RSU1: variants seen among roughly 807,000 people sequenced by gnomAD.
RSU1 encodes Ras suppressor protein 1, also known as rsu-1.
In RSU1, 26 loss-of-function variants were observed where a neutral mutation model predicts 31.1. The ratio of observed to expected loss-of-function variants is 0.84; its 90% confidence interval spans 0.61 to 1.16. RSU1 has a LOEUF of 1.16. Ranked by LOEUF, RSU1 falls within the 50% of genes most tolerant of loss-of-function variation. RSU1 has a pLI of 0.00. For missense variants in RSU1, 320 were observed against 339.1 expected (o/e 0.94, Z 0.44); for synonymous variants, 164 against 136.3 (o/e 1.20, Z -1.41).
At chr10:16,609,497 G>T (rs1378327701) in intron 8 of RSU1, among the ~76,000 whole-genome samples, 1 of 152,218 alleles carries the variant, frequency 6.6e-6, no homozygotes, top group East Asian at 1.9e-4. Context: ...AAATACAGCT[G>T]GTGAAAGCGA....
intron 8 of RSU1, among the ~76,000 whole-genome samples, chr10:16,595,554 G>A (rs2131451283): frequency 6.6e-6 from 1 of 152,298 alleles, no homozygotes; most frequent in Non-Finnish European, 1.5e-5. Context: ...GTTTCCATAT[G>A]TCCTAGACAG....
intron 2 of RSU1, among the ~76,000 whole-genome samples, chr10:16,785,571 G>C (rs970359856): frequency 6.7e-6 from 1 of 150,002 alleles, no homozygotes; most frequent in African/African-American, 2.5e-5. Flanking sequence ...AGGAGGGATG[G>C]TGCTAACCCA....
Position 16,693,960 on chromosome 10 carries a change from G to C in RSU1, c.731+1063C>G, listed in dbSNP as rs577961077. ...GAGTAGGGATGTTTTTGTCTTTTTT[G>C]TATATGCTTAAAATTATACTAGATC... On this transcript the variant is annotated intron_variant, in intron 8 of 8. Coordinates refer to ENST00000345264, the MANE Select transcript of RSU1 (RefSeq NM_012425.4). 4.1e-4 allele frequency among the ~76,000 whole-genome samples: 63 copies of C among 152,180 alleles called. No individual in the cohort carries two copies. The Middle Eastern group carries it at 0.01, about 25-fold the overall frequency.
intron 2 of RSU1, among the ~76,000 whole-genome samples, chr10:16,812,858 T>C (rs1357366206): frequency 6.6e-6 from 1 of 152,176 alleles, no homozygotes; most frequent in African/African-American, 2.4e-5. Context: ...GGAAGCTGAT[T>C]ACAGGGCCCT....
intron 7 of RSU1, among the ~76,000 whole-genome samples, chr10:16,752,288 C>T (rs1232300416): frequency 6.6e-6 from 1 of 152,150 alleles, no homozygotes; most frequent in African/African-American, 2.4e-5. Flanking sequence ...ACGCAGGGAG[C>T]TGAGCGGGGT....
rs1834535376 is a variant in RSU1 at position 16,645,892 on chromosome 10, ATGTATATACACATATATGTATATATATG to A, written c.731+49103_731+49130del. Among the ~76,000 whole-genome samples, 20 of 69,492 alleles carry A rather than the reference ATGTATATACACATATATGTATATATATG, an allele frequency of 2.9e-4. 4 individuals carry two copies. Among genetic ancestry groups the A allele is most frequent in the Admixed American group, 1.7e-3 (10 of 5,768 alleles). 45.6% of individuals were successfully genotyped at this position (69,492 alleles called of 152,430 possible). On this transcript the variant is annotated intron_variant, in intron 8 of 8. Coordinates refer to ENST00000345264, the MANE Select transcript of RSU1 (RefSeq NM_012425.4). ...TATACATATATGTGTATATACATATATGTATATACACATATATGTATATATATGTGTATATACACATATGTGTATATAT... is the reference window on the plus strand; with the variant it reads ...TATACATATATGTGTATATACATATATGTATATACACATATGTGTATATAT...
Position 16,787,269 on chromosome 10 carries a change from G to C in RSU1, c.110-5185C>G, listed in dbSNP as rs116569669. On this transcript the variant is annotated intron_variant, in intron 2 of 8. Coordinates refer to ENST00000345264, the MANE Select transcript of RSU1 (RefSeq NM_012425.4). Reference sequence around the variant, plus strand: ...GTGAGCAGGTGCTGTGGAATCTTGCGAGCCCTTTCAATTATCCAACACGTG... The same window carrying C: ...GTGAGCAGGTGCTGTGGAATCTTGCCAGCCCTTTCAATTATCCAACACGTG... 5.6e-3 allele frequency among the ~76,000 whole-genome samples: 845 copies of C among 152,094 alleles called. 9 individuals are homozygous for C. The highest frequency in any genetic ancestry group is 0.02 in the African/African-American group (809 of 41,466).
At chr10:16,681,803 T>C (rs904371964) in intron 8 of RSU1, among the ~76,000 whole-genome samples, 11 of 152,330 alleles carry the variant, frequency 7.2e-5, no homozygotes, top group Non-Finnish European at 1.3e-4. Context: ...ATATGTGCTG[T>C]ATGTTTTTTA....
intron 8 of RSU1, among the ~76,000 whole-genome samples, chr10:16,603,664 T>C (rs1323130111): frequency 6.6e-6 from 1 of 152,222 alleles, no homozygotes; most frequent in African/African-American, 2.4e-5. Context: ...ATGTTGCAAT[T>C]TCCAGAATAA....
chr10:16,602,676 G>A (rs960906666), intron 8 of RSU1, among the ~76,000 whole-genome samples: 103 of 152,166 alleles, frequency 6.8e-4, no homozygotes, highest in Non-Finnish European at 7.5e-4. Flanking sequence ...TCGTTTGCTC[G>A]TGTCATATGT....
intron 8 of RSU1, among the ~76,000 whole-genome samples, chr10:16,643,820 G>A (rs7094368): frequency 0.36 from 55,087 of 151,680 alleles, 11,862 homozygotes; most frequent in African/African-American, 0.6. Context: ...TGCAAGCCCA[G>A]TCAACTCCAA....
chr10:16,646,711 G>A (rs1386250133), intron 8 of RSU1, among the ~76,000 whole-genome samples: 4 of 152,318 alleles, frequency 2.6e-5, no homozygotes, highest in Non-Finnish European at 1.5e-5. Flanking sequence ...AAGATACCAT[G>A]GTGGCAAGCA....
intron 7 of RSU1, among the ~76,000 whole-genome samples, chr10:16,704,144 T>C (rs999987028): frequency 6.6e-6 from 1 of 152,176 alleles, no homozygotes; most frequent in Non-Finnish European, 1.5e-5. Flanking sequence ...ATTAAATCTA[T>C]TTTGAGTACT....
At chr10:16,652,966 A>G (rs1158276812) in intron 8 of RSU1, among the ~76,000 whole-genome samples, 1 of 152,168 alleles carries the variant, frequency 6.6e-6, no homozygotes, top group African/African-American at 2.4e-5. Context: ...TGCGTGAGCC[A>G]CAATGCCTGG....
chr10:16,617,624 G>T (rs952455353), intron 8 of RSU1, among the ~76,000 whole-genome samples: 3 of 152,108 alleles, frequency 2.0e-5, no homozygotes, highest in Non-Finnish European at 2.9e-5. Flanking sequence ...GCATGGTACT[G>T]GTATCAAAAC....
intron 7 of RSU1, among the ~76,000 whole-genome samples, chr10:16,715,905 TC>T (rs1243535974): frequency 6.6e-6 from 1 of 152,232 alleles, no homozygotes; most frequent in Non-Finnish European, 1.5e-5. Context: ...GTGATATACT[TC>T]ACTAATAGGT....
intron 2 of RSU1, among the ~76,000 whole-genome samples, chr10:16,785,903 T>C (rs1190847603): frequency 6.6e-6 from 1 of 152,186 alleles, no homozygotes; most frequent in Non-Finnish European, 1.5e-5. Context: ...ACAATGTCAA[T>C]ATCCTGTTCC....
chr10:16,755,397 ACAGGC>A (rs1314145543), intron 4 of RSU1, among the ~76,000 whole-genome samples: 1 of 151,580 alleles, frequency 6.6e-6, no homozygotes, highest in Non-Finnish European at 1.5e-5. Context: ...TGCTGGGATT[ACAGGC>A]GTGAGCCCCC....
chr10:16,650,937 T>C (rs1231989627), intron 8 of RSU1, among the ~76,000 whole-genome samples: 1 of 152,182 alleles, frequency 6.6e-6, no homozygotes, highest in Non-Finnish European at 1.5e-5. Context: ...TCATAATGTA[T>C]ATTTCATTCA....
Sources: allele counts gnomAD v4.1 joint callset (sites outside exome capture counted in the v4.1 genomes callset), GRCh38; gene constraint gnomAD v4.1.1; transcripts MANE v1.5; gene names NCBI Gene and HGNC (gene_info 2026-07-23, HGNC 2026-07-21).